The following NSD1 variants were observed in gnomAD, a reference collection of about 807,000 sequenced individuals.
NSD1 encodes the protein histone-lysine N-methyltransferase, H3 lysine-36 specific.
NSD1 carries 26 observed loss-of-function variants against 242.7 expected under a neutral mutation model. That is an observed-to-expected ratio of 0.11 (90% CI 0.08 to 0.15). The LOEUF is 0.15. Ranked by LOEUF, NSD1 falls within the 10% of genes least tolerant of loss-of-function variation. The probability of loss-of-function intolerance (pLI) is 1.00; values close to 1 mark genes in which losing one functional copy is unlikely to be tolerated. For synonymous variants in NSD1, 1,106 were observed against 1,178.1 expected (o/e 0.94, Z 1.25); for missense variants, 2,495 against 3,272.8 (o/e 0.76, Z 5.80).
In NSD1 at chr5:177,203,636, A is replaced by G. The variant is rs1028847848; in HGVS notation, c.1064-484A>G. 2.0e-4 allele frequency among the ~76,000 whole-genome samples: 30 copies of G among 152,186 alleles called. 1 individual carries two copies. Among genetic ancestry groups the G allele is most frequent in the African/African-American group, 7.2e-4 (30 of 41,450 alleles). On this transcript the variant is annotated intron_variant, in intron 3 of 22. Coordinates refer to ENST00000439151, the MANE Select transcript of NSD1 (RefSeq NM_022455.5). ...GTGCTCGTCTATGAGTAGCTACACT[A>G]TAAATGTTAACAGATCATACATGTT...
intron 2 of NSD1, among the ~76,000 whole-genome samples, chr5:177,138,084 A>C (rs867347694): frequency 3.5e-5 from 5 of 143,554 alleles, no homozygotes; most frequent in East Asian, 2.4e-4. Context: ...TCAAAAAAAA[A>C]AACAACAAAA....
chr5:177,224,671 G>T (rs549121517), intron 5 of NSD1, among the ~76,000 whole-genome samples: 69 of 149,434 alleles, frequency 4.6e-4, no homozygotes, highest in African/African-American at 1.6e-3. Context: ...TAATCTAGTT[G>T]CCCTTTTCCC....
chr5:177,267,782 C>T (rs552631905), intron 15 of NSD1, 64 bp downstream of exon 15: 1 of 1,461,228 alleles, frequency 6.8e-7, no homozygotes, highest in African/African-American at 1.4e-5. Flanking sequence ...CTCTCAGATA[C>T]AATGCTTAAC....
intron 2 of NSD1, among the ~76,000 whole-genome samples, chr5:177,161,396 C>T (rs780100165): frequency 2.0e-5 from 3 of 151,130 alleles, no homozygotes; most frequent in Non-Finnish European, 4.4e-5. Context: ...TTCAGTGTGG[C>T]GTGATTAGGC....
Position 177,295,097 on chromosome 5 carries a change from G to A in NSD1, c.7729G>A (p.Val2577Met), listed in dbSNP as rs1337506511. 6.2e-7 allele frequency: 1 copy of A among 1,611,862 alleles called. No individual in the cohort carries two copies. The highest frequency in any genetic ancestry group is 8.5e-7 in the Non-Finnish European group (1 of 1,178,516). ...PGPLSQSPGL[V>M]KQAKQMVGGQ... ...GCCTCTTAGCCAATCCCCGGGCCTG[G>A]TGAAGCAGGCGAAGCAGATGGTCGG... is the stretch of plus-strand genomic sequence containing the variant. Residue 2577 changes from valine to methionine, a missense_variant, in exon 23 of 23, where the codon GTG becomes ATG. Transcript: ENST00000439151. The surrounding 1 kb of genome is among the most constrained non-coding windows in gnomAD (Gnocchi z 4.3).
At chr5:177,290,323 CAT>C (rs2127273494) in intron 21 of NSD1, among the ~76,000 whole-genome samples, 1 of 151,578 alleles carries the variant, frequency 6.6e-6, no homozygotes, top group South Asian at 2.1e-4. Flanking sequence ...GAGTATGTTC[CAT>C]ATGCCTTTTT....
At chr5:177,227,489 C>G (rs1764719726) in intron 5 of NSD1, among the ~76,000 whole-genome samples, 1 of 152,238 alleles carries the variant, frequency 6.6e-6, no homozygotes, top group East Asian at 1.9e-4. Flanking sequence ...GCCTAGCACC[C>G]AGGCTGGAGT....
chr5:177,158,969 CATAT>C (rs1003353784), intron 2 of NSD1, among the ~76,000 whole-genome samples: 2 of 129,960 alleles, frequency 1.5e-5, no homozygotes, highest in South Asian at 2.2e-4. Context: ...TATACACACA[CATAT>C]ATACACACAT....
chr5:177,295,803 G>A lies in NSD1; in HGVS notation c.*344G>A, dbSNP rs1215973245. 5 of 454,194 alleles carry A rather than the reference G, an allele frequency of 1.1e-5. No homozygotes were observed. Among genetic ancestry groups the A allele is most frequent in the African/African-American group, 7.8e-5 (4 of 51,416 alleles). The allele number at this position is 454,194 out of a possible 1,614,324, so 28.1% of individuals were successfully genotyped here. ...CCGCTGGTCAGGTTGGAAGGTATAG[G>A]GGCTCTCAAAGCGATTTCCCCAACC... On this transcript the variant is annotated 3_prime_UTR_variant, in exon 23 of 23. Coordinates refer to ENST00000439151, the MANE Select transcript of NSD1 (RefSeq NM_022455.5). This position sits in a 1 kb window ranked among gnomAD's most constrained non-coding sequence, Gnocchi z 4.3.
At chr5:177,184,943 G>A (rs1760981741) in intron 2 of NSD1, among the ~76,000 whole-genome samples, 1 of 152,014 alleles carries the variant, frequency 6.6e-6, no homozygotes, top group Non-Finnish European at 1.5e-5. Flanking sequence ...GTAGGCTTTG[G>A]ATATCATATA....
At chr5:177,208,424 G>C (rs1319574787) in intron 4 of NSD1, among the ~76,000 whole-genome samples, 1 of 151,990 alleles carries the variant, frequency 6.6e-6, no homozygotes, top group East Asian at 1.9e-4. Flanking sequence ...TAGGGAGGTA[G>C]ATCAAACCTG....
chr5:177,234,840 C>T (rs1292641268), intron 5 of NSD1, among the ~76,000 whole-genome samples: 1 of 152,172 alleles, frequency 6.6e-6, no homozygotes, highest in East Asian at 1.9e-4. Context: ...TCCTAGAGGA[C>T]TTCCTGGTTC....
chr5:177,175,825 C>T (rs1485417534), intron 2 of NSD1, among the ~76,000 whole-genome samples: 2 of 151,666 alleles, frequency 1.3e-5, no homozygotes, highest in South Asian at 2.1e-4. Flanking sequence ...CATCCTGTTT[C>T]GATTTTACAA....
At chr5:177,250,210 C>T (rs1755827076) in intron 11 of NSD1, among the ~76,000 whole-genome samples, 1 of 152,246 alleles carries the variant, frequency 6.6e-6, no homozygotes, top group Admixed American at 6.5e-5. Context: ...CTATTACATT[C>T]TTGGACCAGA....
intron 5 of NSD1, among the ~76,000 whole-genome samples, chr5:177,214,487 TTC>T (rs1165223495): frequency 1.3e-5 from 2 of 152,176 alleles, no homozygotes; most frequent in Non-Finnish European, 2.9e-5. Context: ...ACTCCTGATT[TTC>T]TCCTTTGTTC....
chr5:177,238,502 C>T lies in NSD1; in HGVS notation c.4187C>T (p.Thr1396Met), dbSNP rs747298351. The change falls in exon 7 of 23, where the codon ACG becomes ATG. Residue 1396 changes from threonine (T) to methionine (M), a missense_variant. By Grantham distance (81) the Thr-to-Met change is moderately conservative. Transcript: ENST00000439151. The surrounding 1 kb of genome is among the most constrained non-coding windows in gnomAD (Gnocchi z 4.6). ...GAGTCTGAGGAATTGCTAGTTAAAACGCCAGGTAAGGTGGGGTTGGGGTCT... is the reference window on the plus strand; with the variant it reads ...GAGTCTGAGGAATTGCTAGTTAAAATGCCAGGTAAGGTGGGGTTGGGGTCT... ...ALESEELLVKTPGNYESKRQR... is the reference protein window; with the variant it reads ...ALESEELLVKMPGNYESKRQR... 218 of 1,613,032 alleles carry T rather than the reference C, an allele frequency of 1.4e-4. No individual in the cohort carries two copies. The highest frequency in any genetic ancestry group is 1.1e-3 in the East Asian group (48 of 44,896).
intron 2 of NSD1, among the ~76,000 whole-genome samples, chr5:177,178,625 G>T (rs1201077330): frequency 1.3e-5 from 2 of 152,294 alleles, no homozygotes; most frequent in East Asian, 3.9e-4. Flanking sequence ...TTGTTGTTGA[G>T]ACAGGGTCTT....
chr5:177,205,010 A>G (rs1190385634), intron 4 of NSD1, among the ~76,000 whole-genome samples: 1 of 152,086 alleles, frequency 6.6e-6, no homozygotes, highest in East Asian at 1.9e-4. Context: ...ATTTCTGTTA[A>G]TGAGAATAAT....
chr5:177,224,028 G>A (rs1022239969), intron 5 of NSD1, among the ~76,000 whole-genome samples: 1 of 150,246 alleles, frequency 6.7e-6, no homozygotes, highest in Non-Finnish European at 1.5e-5. Context: ...GTTAGTTACA[G>A]TATTTTTGTA....
Sources: gnomAD v4.1 joint callset for allele counts (sites outside exome capture counted in the v4.1 genomes callset) on GRCh38, gnomAD v4.1.1 for gene constraint, Gnocchi (gnomAD v3.1) non-coding constraint, MANE v1.5 for transcripts, NCBI Gene and HGNC (gene_info 2026-07-23, HGNC 2026-07-21) for gene names.